The following FBXO42 variants were observed in gnomAD, a reference collection of about 807,000 sequenced individuals.
The protein encoded by FBXO42 is F-box protein 42, also known as F-box only protein 42.
FBXO42 carries 12 observed loss-of-function variants against 71.7 expected under a neutral mutation model. The ratio of observed to expected loss-of-function variants is 0.17; its 90% CI spans 0.11 to 0.27. The LOEUF is 0.27. Among genes scored for constraint, FBXO42 ranks in the 10% least tolerant of loss-of-function variants. FBXO42 has a pLI of 1.00. For synonymous variants in FBXO42, 325 were observed against 327.5 expected (o/e 0.99, Z 0.08); for missense variants, 707 against 911.9 (o/e 0.78, Z 2.89).
intron 1 of FBXO42, among the ~76,000 whole-genome samples, chr1:16,335,063 CAAAAAAAAA>C (rs55983316): frequency 5.8e-5 from 4 of 68,990 alleles, no homozygotes; most frequent in East Asian, 9.0e-4. Context: ...CTCGTCTGTA[CAAAAAAAAA>C]AAAAAAAAAA....
intron 2 of FBXO42, among the ~76,000 whole-genome samples, chr1:16,308,455 T>C (rs1390326140): frequency 1.3e-5 from 2 of 151,764 alleles, no homozygotes; most frequent in African/African-American, 4.8e-5. Context: ...TGAACAGCCA[T>C]TGAATTTCAG....
chr1:16,250,581 T>C lies in FBXO42; in HGVS notation c.*89A>G. On this transcript the variant is annotated 3_prime_UTR_variant, in exon 10 of 10. Transcript: ENST00000375592. The surrounding 1 kb of genome is among the most constrained non-coding windows in gnomAD (Gnocchi z 4.7). Reference sequence around the variant, plus strand: ...AAAGAGTTTTGGCTTCTGGGAGTAATTTTGTTTTCCCAATTCTCAGTCCAA... The same window carrying C: ...AAAGAGTTTTGGCTTCTGGGAGTAACTTTGTTTTCCCAATTCTCAGTCCAA... The C allele has an allele frequency of 1.4e-6, 2 of 1,467,018 alleles. No individual in the cohort carries two copies. The highest frequency in any genetic ancestry group is 1.8e-6 in the Non-Finnish European group (2 of 1,096,398). 90.9% of individuals were successfully genotyped at this position (1,467,018 alleles called of 1,614,324 possible).
intron 2 of FBXO42, among the ~76,000 whole-genome samples, chr1:16,308,926 A>G (rs2082283834): frequency 6.7e-6 from 1 of 149,576 alleles, no homozygotes; most frequent in Non-Finnish European, 1.5e-5. Context: ...CATTTTTAGT[A>G]GAGACGGGGT....
intron 1 of FBXO42, among the ~76,000 whole-genome samples, chr1:16,347,382 G>T (rs1165420016): frequency 6.6e-6 from 1 of 151,970 alleles, no homozygotes; most frequent in Non-Finnish European, 1.5e-5. Flanking sequence ...AGGCATGGTG[G>T]TGTGCACCTG....
rs2082708998 is a variant in FBXO42 at position 16,352,256 on chromosome 1, T to C, written c.-19A>G. The C allele has an allele frequency of 2.5e-6, 1 of 394,916 alleles. No homozygotes were observed. Among genetic ancestry groups the C allele is most frequent in the Admixed American group, 4.4e-5 (1 of 22,580 alleles). 24.5% of individuals were successfully genotyped at this position (394,916 alleles called of 1,614,324 possible). A position where few individuals can be genotyped will look rare whatever the true frequency, so the allele number is the denominator to read the frequency against. On this transcript the variant is annotated splice_region_variant and 5_prime_UTR_variant, in exon 1 of 10. Coordinates refer to ENST00000375592, the MANE Select transcript of FBXO42 (RefSeq NM_018994.3). Reference sequence around the variant, plus strand: ...CCCGGGGAGGAGGAGAGGCCTCACCTGGCCCAGCCCGCTCCACGCTCTCGG... The same window carrying C: ...CCCGGGGAGGAGGAGAGGCCTCACCCGGCCCAGCCCGCTCCACGCTCTCGG...
At chr1:16,279,523 C>T (rs1384809237) in intron 4 of FBXO42, among the ~76,000 whole-genome samples, 3 of 152,310 alleles carry the variant, frequency 2.0e-5, no homozygotes, top group African/African-American at 7.2e-5. Context: ...AAAAGCAAAT[C>T]ATGTTGATAT....
chr1:16,301,706 A>G (rs1453955419), intron 3 of FBXO42, among the ~76,000 whole-genome samples: 1 of 150,764 alleles, frequency 6.6e-6, no homozygotes, highest in Non-Finnish European at 1.5e-5. Flanking sequence ...AAGAAACGGT[A>G]CAAGAATGTC....
intron 1 of FBXO42, 56 bp from the exon 2 acceptor site, chr1:16,315,491 T>C: frequency 6.5e-7 from 1 of 1,534,778 alleles, no homozygotes; most frequent in Non-Finnish European, 8.8e-7. Flanking sequence ...TCAAAAACAA[T>C]TCAGGCATGT....
rs138572973 is a variant in FBXO42 at position 16,312,500 on chromosome 1, T to C, written c.250+2669A>G. On this transcript the variant is annotated intron_variant, in intron 2 of 9. Transcript: ENST00000375592. ...TGGAGACAGTAAAAAAATCAGTGAT[T>C]GCCAGTGGTTGGTGGAAGGAAAGGA... is the stretch of plus-strand genomic sequence containing the variant. Among the ~76,000 whole-genome samples, 909 of 152,274 alleles carry C rather than the reference T, an allele frequency of 6.0e-3. 7 individuals are homozygous for C. Among genetic ancestry groups the C allele is most frequent in the African/African-American group, 0.02 (825 of 41,560 alleles).
intron 3 of FBXO42, among the ~76,000 whole-genome samples, chr1:16,297,845 C>T (rs1569879179): frequency 1.4e-5 from 2 of 138,270 alleles, no homozygotes; most frequent in African/African-American, 5.4e-5. Context: ...CCAGCCTGGG[C>T]GACAGAGTGA....
chr1:16,320,299 T>C (rs759530857), intron 1 of FBXO42, among the ~76,000 whole-genome samples: 4 of 143,858 alleles, frequency 2.8e-5, no homozygotes, highest in Non-Finnish European at 6.0e-5. Flanking sequence ...AGGTGGAAGT[T>C]GCAGTAAGCC....
intron 4 of FBXO42, among the ~76,000 whole-genome samples, chr1:16,272,479 G>C (rs891500317): frequency 6.6e-6 from 1 of 152,020 alleles, no homozygotes; most frequent in African/African-American, 2.4e-5. Flanking sequence ...GGCTGGTTTC[G>C]AACTCCTGAC....
At chr1:16,344,061 A>C (rs2100639821) in intron 1 of FBXO42, among the ~76,000 whole-genome samples, 1 of 151,552 alleles carries the variant, frequency 6.6e-6, no homozygotes, top group East Asian at 1.9e-4. Flanking sequence ...GCAATGGCGC[A>C]ATCTTGGCTC....
In FBXO42 at chr1:16,252,413, G is replaced by GA. The variant is rs776764421; in HGVS notation, c.922-10dup. On this transcript the variant is annotated splice_polypyrimidine_tract_variant and intron_variant, in intron 8 of 9. Transcript: ENST00000375592. This position sits in a 1 kb window ranked among gnomAD's most constrained non-coding sequence, Gnocchi z 4.4. Reference sequence around the variant, plus strand: ...CAAGCATCCTTGAATAGCTGTAAGAGAAAAAACCAATAACAAGACTCAGGT... The same window carrying GA: ...CAAGCATCCTTGAATAGCTGTAAGAGAAAAAAACCAATAACAAGACTCAGGT... The GA allele has an allele frequency of 2.7e-5, 43 of 1,607,698 alleles. No individual in the cohort carries two copies. Among genetic ancestry groups the GA allele is most frequent in the African/African-American group, 2.7e-4 (20 of 74,788 alleles).
At chr1:16,328,001 A>G (rs575508508) in intron 1 of FBXO42, among the ~76,000 whole-genome samples, 1 of 152,310 alleles carries the variant, frequency 6.6e-6, no homozygotes, top group South Asian at 2.1e-4. Context: ...TTGCCCAGCC[A>G]GGACAGTCTG....
chr1:16,345,488 A>G (rs1426327891), intron 1 of FBXO42, among the ~76,000 whole-genome samples: 1 of 152,028 alleles, frequency 6.6e-6, no homozygotes, highest in Non-Finnish European at 1.5e-5. Flanking sequence ...ACCTAGAAAC[A>G]ATGAAGACCC....
intron 6 of FBXO42, among the ~76,000 whole-genome samples, chr1:16,254,754 G>A (rs972966188): frequency 2.6e-5 from 4 of 152,142 alleles, no homozygotes; most frequent in East Asian, 3.9e-4. Flanking sequence ...TGCTGCTACC[G>A]CTGAATCAGA....
At chr1:16,322,234 C>A (rs1409554855) in intron 1 of FBXO42, among the ~76,000 whole-genome samples, 1 of 151,894 alleles carries the variant, frequency 6.6e-6, no homozygotes, top group Non-Finnish European at 1.5e-5. Flanking sequence ...AGTCTGCTGC[C>A]AGAGAGGAAA....
At position 16,285,668 on chromosome 1, in the gene FBXO42, C is replaced by G. The variant is rs1290128657; in HGVS notation, c.502+9115G>C. The stretch of plus-strand genomic sequence containing the variant: ...ACTAAATTTAAGGGTAATTCTCAGT[C>G]TTTACATGACTTGACCTCTTCGCTG... On this transcript the variant is annotated intron_variant, in intron 4 of 9. Coordinates refer to ENST00000375592, the MANE Select transcript of FBXO42 (RefSeq NM_018994.3). Among the ~76,000 whole-genome samples the G allele has an allele frequency of 2.6e-5, 4 of 152,166 alleles. No individual in the cohort carries two copies. The East Asian group carries it at 7.7e-4, about 29-fold the overall frequency.
Sources: allele counts gnomAD v4.1 joint callset (sites outside exome capture counted in the v4.1 genomes callset), GRCh38; gene constraint gnomAD v4.1.1; non-coding constraint Gnocchi (gnomAD v3.1); transcripts MANE v1.5; gene names NCBI Gene and HGNC (gene_info 2026-07-23, HGNC 2026-07-21).